CDH13: variants seen among roughly 807,000 people sequenced by gnomAD.
The protein encoded by CDH13 is cadherin 13.
In CDH13, 24 loss-of-function variants were observed where a neutral mutation model predicts 63.8. That is an observed-to-expected ratio of 0.38 (90% CI 0.27 to 0.53). The LOEUF is 0.53. Among genes scored for constraint, CDH13 ranks in the 20% least tolerant of loss-of-function variants. CDH13 has a pLI of 0.85. For missense variants in CDH13, 1,049 were observed against 903.1 expected (o/e 1.16, Z -2.07); for synonymous variants, 503 against 355.3 (o/e 1.42, Z -4.67).
chr16:83,237,856 A>G (rs898927707), intron 5 of CDH13, among the ~76,000 whole-genome samples: 1 of 152,240 alleles, frequency 6.6e-6, no homozygotes, highest in Non-Finnish European at 1.5e-5. Flanking sequence ...TACTTGATAA[A>G]CATTATTTGT....
At chr16:83,042,816 A>G (rs376148066) in intron 3 of CDH13, among the ~76,000 whole-genome samples, 2 of 152,258 alleles carry the variant, frequency 1.3e-5, no homozygotes, top group East Asian at 3.9e-4. Context: ...TCCTGCTTAC[A>G]TGAAATATGT....
intron 9 of CDH13, among the ~76,000 whole-genome samples, chr16:83,677,554 T>C (rs1221052854): frequency 6.6e-6 from 1 of 152,128 alleles, no homozygotes; most frequent in African/African-American, 2.4e-5. Context: ...TGGCTCAGAC[T>C]TTCAAATCCT....
At chr16:83,464,160 A>G (rs1189653207) in intron 6 of CDH13, among the ~76,000 whole-genome samples, 3 of 152,070 alleles carry the variant, frequency 2.0e-5, no homozygotes, top group Non-Finnish European at 2.9e-5. Flanking sequence ...TGCAACCTCT[A>G]CCGTCCTGGT....
chr16:82,912,669 C>A (rs372225386), intron 2 of CDH13, among the ~76,000 whole-genome samples: 2 of 152,188 alleles, frequency 1.3e-5, no homozygotes, highest in African/African-American at 2.4e-5. Flanking sequence ...ACTCGCCGGG[C>A]GCGGTGGCTC....
intron 1 of CDH13, among the ~76,000 whole-genome samples, chr16:82,729,096 C>T (rs1452855004): frequency 2.0e-5 from 3 of 152,152 alleles, no homozygotes; most frequent in Admixed American, 1.3e-4. Context: ...ACCACATCTG[C>T]CGTTACTTCC....
chr16:82,795,695 A>T (rs527786055), intron 1 of CDH13, among the ~76,000 whole-genome samples: 1 of 152,218 alleles, frequency 6.6e-6, no homozygotes, highest in South Asian at 2.1e-4. Context: ...ACTCTTAACC[A>T]CCCTATTGAC....
intron 11 of CDH13, among the ~76,000 whole-genome samples, chr16:83,761,267 CATA>C (rs1397107862): frequency 6.6e-6 from 1 of 152,150 alleles, no homozygotes; most frequent in Non-Finnish European, 1.5e-5. Flanking sequence ...AATCGTGCTT[CATA>C]ATAATTTTGA....
chr16:83,296,381 A>G (rs1237358231), intron 5 of CDH13, among the ~76,000 whole-genome samples: 1 of 152,180 alleles, frequency 6.6e-6, no homozygotes, highest in Non-Finnish European at 1.5e-5. Context: ...TGGACAATTA[A>G]GTACCAAGAA....
intron 4 of CDH13, among the ~76,000 whole-genome samples, chr16:83,178,688 T>A (rs996527397): frequency 1.3e-5 from 2 of 152,218 alleles, no homozygotes; most frequent in Non-Finnish European, 1.5e-5. Context: ...GAATAACGCT[T>A]TATAGTTGAA....
chr16:83,582,248 G>T (rs930281231), intron 7 of CDH13, among the ~76,000 whole-genome samples: 2 of 152,138 alleles, frequency 1.3e-5, no homozygotes, highest in Non-Finnish European at 1.5e-5. Context: ...GCTTTACGCA[G>T]ATGTTTCTGG....
intron 10 of CDH13, among the ~76,000 whole-genome samples, chr16:83,734,008 A>T (rs956460888): frequency 6.6e-6 from 1 of 152,128 alleles, no homozygotes; most frequent in Non-Finnish European, 1.5e-5. Flanking sequence ...CTCTTGTAAT[A>T]AAGTGTTATT....
At chr16:83,554,017 T>C (rs1300077403) in intron 7 of CDH13, among the ~76,000 whole-genome samples, 3 of 152,244 alleles carry the variant, frequency 2.0e-5, no homozygotes, top group South Asian at 4.1e-4. Flanking sequence ...CCTGTGTCTC[T>C]GTCTGTTTTC....
intron 1 of CDH13, among the ~76,000 whole-genome samples, chr16:82,809,090 A>G (rs1480632090): frequency 6.6e-6 from 1 of 152,100 alleles, no homozygotes; most frequent in Non-Finnish European, 1.5e-5. Context: ...ATGTATCTAC[A>G]TATATGTATT....
chr16:83,599,420 A>G (rs886507785), intron 7 of CDH13, among the ~76,000 whole-genome samples: 3 of 152,242 alleles, frequency 2.0e-5, no homozygotes, highest in African/African-American at 7.2e-5. Context: ...CTTGGATAAA[A>G]ACATTGAAAT....
intron 8 of CDH13, among the ~76,000 whole-genome samples, chr16:83,645,827 C>T (rs1224450270): frequency 6.6e-6 from 1 of 152,066 alleles, no homozygotes; most frequent in Non-Finnish European, 1.5e-5. Context: ...GCTTGGTTTG[C>T]TTAGACAGTG....
At chr16:82,993,729 C>G (rs1019858214) in intron 2 of CDH13, among the ~76,000 whole-genome samples, 11 of 151,896 alleles carry the variant, frequency 7.2e-5, no homozygotes, top group Non-Finnish European at 1.6e-4. Flanking sequence ...AGCATTGTAC[C>G]AAAAAACACA....
At chr16:82,836,668 C>T (rs568156009) in intron 1 of CDH13, among the ~76,000 whole-genome samples, 94 of 152,274 alleles carry the variant, frequency 6.2e-4, no homozygotes, top group Admixed American at 2.5e-3. Context: ...AAACAGCAGA[C>T]ATCACAGCCC....
At chr16:83,595,386 C>T (rs540279323) in intron 7 of CDH13, among the ~76,000 whole-genome samples, 1 of 152,142 alleles carries the variant, frequency 6.6e-6, no homozygotes, top group African/African-American at 2.4e-5. Flanking sequence ...GGTGTTGCAG[C>T]CAAAGGCATG....
At chr16:82,989,738 C>T (rs56035113) in intron 2 of CDH13, among the ~76,000 whole-genome samples, 21,157 of 152,140 alleles carry the variant, frequency 0.14, 1,785 homozygotes, top group African/African-American at 0.24. Context: ...GCTTAACCCA[C>T]CTATACAGAA....
Sources: allele counts gnomAD v4.1 joint callset (sites outside exome capture counted in the v4.1 genomes callset), GRCh38; gene constraint gnomAD v4.1.1; transcripts MANE v1.5; gene names NCBI Gene and HGNC (gene_info 2026-07-23, HGNC 2026-07-21).